ANKMY1: variants seen among roughly 807,000 people sequenced by gnomAD.
ANKMY1 encodes ankyrin repeat and MYND domain-containing protein 1.
Under a neutral mutation model 102.0 loss-of-function variants are expected in ANKMY1, and 98 were observed. The ratio of observed to expected loss-of-function variants is 0.96; its 90% confidence interval spans 0.82 to 1.14. The LOEUF (loss-of-function observed/expected upper bound fraction) is 1.14. Ranked by LOEUF, ANKMY1 falls within the 50% of genes most tolerant of loss-of-function variation. ANKMY1 has a pLI of 0.00. For synonymous variants in ANKMY1, 582 were observed against 559.9 expected, an observed-to-expected ratio of 1.04 and a Z score of -0.56; for missense variants, 1,330 against 1,347.6, an observed-to-expected ratio of 0.99 and a Z score of 0.20.
chr2:240,500,589 A>G, intron 13 of ANKMY1, 24 bp from the exon 14 acceptor site: 1 of 1,605,778 alleles, frequency 6.2e-7, no homozygotes, highest in Non-Finnish European at 8.5e-7. Context: ...AACCAGGTCA[A>G]ACACGCAAGG....
In ANKMY1 at chr2:240,529,513, C is replaced by T; in HGVS notation, c.481-4G>A. 1.2e-6 allele frequency: 2 copies of T among 1,606,882 alleles called. No individual in the cohort carries two copies. The highest frequency in any genetic ancestry group is 1.1e-5 in the South Asian group (1 of 90,440). ...GCTGGTCCGCTTTGTATAGCCCCTG[C>T]CAAGGAAGCGCAATAGACCGAGGAG... On this transcript the variant is annotated splice_region_variant and splice_polypyrimidine_tract_variant and intron_variant, in intron 4 of 17. Transcript: ENST00000401804. The surrounding 1 kb of genome is among the most constrained non-coding windows in gnomAD (Gnocchi z 4.2).
chr2:240,505,426 C>T lies in ANKMY1; in HGVS notation c.2526+2134G>A, dbSNP rs145134550. ...GCAATGAGCTGAGATCACACCTCTG[C>T]ACTCCAGCCTGGGTAACAGAGTGAG... On this transcript the variant is annotated intron_variant, in intron 13 of 17. Transcript: ENST00000401804. Among the ~76,000 whole-genome samples the T allele has an allele frequency of 6.8e-3, 1,027 of 151,674 alleles. 14 individuals carry two copies. The highest frequency in any genetic ancestry group is 0.023 in the African/African-American group (964 of 41,324).
At chr2:240,517,225 G>A (rs1319034760) in intron 9 of ANKMY1, among the ~76,000 whole-genome samples, 1 of 152,242 alleles carries the variant, frequency 6.6e-6, no homozygotes. Flanking sequence ...TTGAGAAATT[G>A]AGATTGACTT....
chr2:240,498,180 T>G (rs2077518077), intron 15 of ANKMY1, among the ~76,000 whole-genome samples: 1 of 149,818 alleles, frequency 6.7e-6, no homozygotes, highest in Admixed American at 6.6e-5. Flanking sequence ...GTTAGTATGT[T>G]TGTGTTGGGG....
At chr2:240,552,151 A>T (rs1040063532) in intron 4 of ANKMY1, among the ~76,000 whole-genome samples, 1 of 152,200 alleles carries the variant, frequency 6.6e-6, no homozygotes, top group Admixed American at 6.5e-5. Flanking sequence ...CCATCTCTTC[A>T]GCTGCACCTC....
chr2:240,534,323 A>G (rs1049965506), intron 4 of ANKMY1, among the ~76,000 whole-genome samples: 3 of 152,238 alleles, frequency 2.0e-5, no homozygotes, highest in Non-Finnish European at 4.4e-5. Flanking sequence ...AAGCATGACA[A>G]GAGATTTTTT....
In ANKMY1 at chr2:240,526,418, G is replaced by A; in HGVS notation, c.981C>T (p.Asn327=). 1 of 1,614,180 alleles carries A rather than the reference G, an allele frequency of 6.2e-7. No individual in the cohort carries two copies. The highest frequency in any genetic ancestry group is 8.5e-7 in the Non-Finnish European group (1 of 1,180,036). ...FRNKPAHTSW[N]MGAILEGKRS... ...GCTTCCCCTCCAGGATGGCGCCCATGTTCCAGCTGGTGTGAGCTGGCTTGT... is the reference window on the plus strand; with the variant it reads ...GCTTCCCCTCCAGGATGGCGCCCATATTCCAGCTGGTGTGAGCTGGCTTGT... Residue 327 remains asparagine, a synonymous_variant, in exon 6 of 18, where the codon AAC becomes AAT. Transcript: ENST00000401804.
At chr2:240,552,795 A>G (rs1353172537) in intron 4 of ANKMY1, 119 bp downstream of exon 4, 3 of 1,490,492 alleles carry the variant, frequency 2.0e-6, no homozygotes, top group Non-Finnish European at 2.8e-6. Flanking sequence ...CATTAAAAGT[A>G]AAAAAGCTAC....
chr2:240,544,979 G>T (rs931367152), intron 4 of ANKMY1, among the ~76,000 whole-genome samples: 4 of 152,204 alleles, frequency 2.6e-5, no homozygotes, highest in Admixed American at 2.0e-4. Flanking sequence ...CAAAGCAGCC[G>T]GGAAGCTCCA....
At position 240,500,300 on chromosome 2, in the gene ANKMY1, G is replaced by C. The variant is rs1205110364; in HGVS notation, c.2640+152C>G. ...GCACCTGGCATGAGCTCAGCACTTT[G>C]GGGGGTTCACCTCTGCAGCCAAGGG... On this transcript the variant is annotated intron_variant, in intron 14 of 17. Coordinates refer to ENST00000401804, the MANE Select transcript of ANKMY1 (RefSeq NM_001282771.3). 4 of 1,118,418 alleles carry C rather than the reference G, an allele frequency of 3.6e-6. No homozygotes were observed. In the East Asian group the frequency reaches 1.0e-4, roughly 28 times the overall value. 69.3% of individuals were successfully genotyped at this position (1,118,418 alleles called of 1,614,324 possible). A position where few individuals can be genotyped will look rare whatever the true frequency, so the allele number is the denominator to read the frequency against.
chr2:240,492,892 G>C (rs531808261), intron 15 of ANKMY1, among the ~76,000 whole-genome samples: 7 of 152,142 alleles, frequency 4.6e-5, no homozygotes, highest in African/African-American at 1.7e-4. Context: ...GTTTCACCAC[G>C]TTGGCCAGGC....
Position 240,525,861 on chromosome 2 carries a change from T to C in ANKMY1, c.1171-12A>G. 1 of 1,613,106 alleles carries C rather than the reference T, an allele frequency of 6.2e-7. No homozygotes were observed. The highest frequency in any genetic ancestry group is 1.1e-5 in the South Asian group (1 of 91,022). ...TTGTGGCAGTGAGTCTGGAGGGAGA[T>C]GAGGCAGGACTCAGGATGATGCACC... On this transcript the variant is annotated splice_polypyrimidine_tract_variant and intron_variant, in intron 6 of 17. Coordinates refer to ENST00000401804, the MANE Select transcript of ANKMY1 (RefSeq NM_001282771.3).
At position 240,488,900 on chromosome 2, in the gene ANKMY1, A is replaced by C. The variant is rs548286132; in HGVS notation, c.2807-6639T>G. Among the ~76,000 whole-genome samples the C allele has an allele frequency of 2.0e-5, 3 of 152,336 alleles. No homozygotes were observed. In the South Asian group the frequency reaches 6.2e-4, roughly 32 times the overall value. Reference sequence around the variant, plus strand: ...TTTAGGTTTTTCTAGATATAGAATAATATCATCAGCAAAGAGGGATAATTT... The same window carrying C: ...TTTAGGTTTTTCTAGATATAGAATACTATCATCAGCAAAGAGGGATAATTT... On this transcript the variant is annotated intron_variant, in intron 15 of 17. Transcript: ENST00000401804.
At chr2:240,538,351 G>A (rs1457912780) in intron 4 of ANKMY1, among the ~76,000 whole-genome samples, 1 of 152,196 alleles carries the variant, frequency 6.6e-6, no homozygotes, top group Non-Finnish European at 1.5e-5. Context: ...GGTGGGCGTG[G>A]GCTCGGGGGG....
intron 8 of ANKMY1, chr2:240,522,008 A>T (rs2082385463): frequency 6.6e-6 from 1 of 152,262 alleles, no homozygotes; most frequent in African/African-American, 2.4e-5. Flanking sequence ...GAAACTAAGC[A>T]GGTTGTCGCT....
At position 240,520,511 on chromosome 2, in the gene ANKMY1, T is replaced by C; in HGVS notation, c.1855A>G (p.Ile619Val). Reference protein sequence around the residue: ...MIERRKRWRTIKLLLRRGADP... With the variant: ...MIERRKRWRTVKLLLRRGADP... ...GCGCCCCGGCGCAGCAGCAGCTTGA[T>C]GGTCCGCCAGCGCTTCCTCCGCCTG... Residue 619 changes from isoleucine to valine, a missense_variant, in exon 9 of 18, where the codon ATC becomes GTC. By Grantham distance (29) the Ile-to-Val change is conservative. Coordinates refer to ENST00000401804, the MANE Select transcript of ANKMY1 (RefSeq NM_001282771.3). The surrounding 1 kb of genome is among the most constrained non-coding windows in gnomAD (Gnocchi z 4.8). The C allele has an allele frequency of 1.2e-6, 2 of 1,612,744 alleles. No homozygotes were observed. The highest frequency in any genetic ancestry group is 1.1e-5 in the South Asian group (1 of 91,014).
At position 240,506,910 on chromosome 2, in the gene ANKMY1, G is replaced by A. The variant is rs1050891569; in HGVS notation, c.2526+650C>T. On this transcript the variant is annotated intron_variant, in intron 13 of 17. Transcript: ENST00000401804. This position sits in a 1 kb window ranked among gnomAD's most constrained non-coding sequence, Gnocchi z 4.9. ...TCAGGACAGAAGGTGTCTCCAGCGC[G>A]GGCAGGATTTCCCGACTGTGAGCTT... is the stretch of plus-strand genomic sequence containing the variant. Among the ~76,000 whole-genome samples, 3 of 152,068 alleles carry A rather than the reference G, an allele frequency of 2.0e-5. No individual in the cohort carries two copies. The highest frequency in any genetic ancestry group is 4.4e-5 in the Non-Finnish European group (3 of 68,016).
At chr2:240,530,944 G>GT (rs530532368) in intron 4 of ANKMY1, among the ~76,000 whole-genome samples, 76 of 126,754 alleles carry the variant, frequency 6.0e-4, no homozygotes, top group African/African-American at 2.0e-3. Context: ...ATAAAATAAA[G>GT]TAAAAAAAAA....
intron 15 of ANKMY1, among the ~76,000 whole-genome samples, chr2:240,485,581 CTTCT>C (rs1574879243): frequency 1.4e-5 from 2 of 142,842 alleles, no homozygotes; most frequent in East Asian, 2.0e-4. Flanking sequence ...CCACATGAAT[CTTCT>C]TTTTTTTTTT....
Sources: gnomAD v4.1 joint callset for allele counts (sites outside exome capture counted in the v4.1 genomes callset) on GRCh38, gnomAD v4.1.1 for gene constraint, Gnocchi (gnomAD v3.1) non-coding constraint, MANE v1.5 for transcripts, NCBI Gene and HGNC (gene_info 2026-07-23, HGNC 2026-07-21) for gene names.